The following UTP6 variants were observed in gnomAD, a reference collection of about 807,000 sequenced individuals.
The protein encoded by UTP6 is U3 small nucleolar RNA-associated protein 6 homolog.
UTP6 carries 60 observed loss-of-function variants against 96.5 expected under a neutral mutation model. The ratio of observed to expected loss-of-function variants is 0.62; its 90% CI spans 0.51 to 0.77. UTP6 has a LOEUF of 0.77. UTP6 is among the 30% of genes least tolerant of loss of function. UTP6 has a pLI of 0.00. For synonymous variants in UTP6, 215 were observed against 240.1 expected (o/e 0.90, Z 0.96); for missense variants, 637 against 706.5 (o/e 0.90, Z 1.12).
At chr17:31,866,887 CAAAAAAAAA>C (rs56235737) in intron 17 of UTP6, among the ~76,000 whole-genome samples, 21 of 43,572 alleles carry the variant, frequency 4.8e-4, no homozygotes, top group South Asian at 1.5e-3. Context: ...ACTCTTGTCT[CAAAAAAAAA>C]AAAAAAAAAA....
intron 1 of UTP6, among the ~76,000 whole-genome samples, chr17:31,900,835 A>C (rs1904937564): frequency 6.6e-6 from 1 of 152,232 alleles, no homozygotes; most frequent in Admixed American, 6.5e-5. Flanking sequence ...TGTGCAAGAC[A>C]GGTGTCTTTA....
chr17:31,887,336 A>C, intron 7 of UTP6, 23 bp from the exon 8 acceptor site: 1 of 1,609,172 alleles, frequency 6.2e-7, no homozygotes, highest in Non-Finnish European at 8.5e-7. Flanking sequence ...AATAAACTGA[A>C]AATCTTTGGA....
At chr17:31,881,953 G>A (rs1220309962) in intron 10 of UTP6, among the ~76,000 whole-genome samples, 1 of 151,994 alleles carries the variant, frequency 6.6e-6, no homozygotes, top group African/African-American at 2.4e-5. Flanking sequence ...CCAAAGTGTT[G>A]GGATTACAGC....
chr17:31,875,417 G>A lies in UTP6; in HGVS notation c.1126-4C>T, dbSNP rs778339292. 2.5e-6 allele frequency: 4 copies of A among 1,610,984 alleles called. No individual in the cohort carries two copies. The highest frequency in any genetic ancestry group is 1.1e-5 in the South Asian group (1 of 90,956). On this transcript the variant is annotated splice_region_variant and splice_polypyrimidine_tract_variant and intron_variant, in intron 13 of 18. Transcript: ENST00000261708. ...TATAACACAGCAACGAAACACTCTAGACAAGATGAAGGATGACTGGAAAAT... is the reference window on the plus strand; with the variant it reads ...TATAACACAGCAACGAAACACTCTAAACAAGATGAAGGATGACTGGAAAAT...
intron 16 of UTP6, among the ~76,000 whole-genome samples, chr17:31,870,075 G>A (rs954780125): frequency 2.6e-5 from 4 of 152,096 alleles, no homozygotes; most frequent in Non-Finnish European, 4.4e-5. Context: ...CCAATCAACT[G>A]TTGATAAGCA....
intron 2 of UTP6, among the ~76,000 whole-genome samples, chr17:31,897,316 C>A (rs911478490): frequency 1.3e-5 from 2 of 151,892 alleles, no homozygotes; most frequent in Non-Finnish European, 2.9e-5. Flanking sequence ...ATAATATGGT[C>A]TTGGCTCATT....
chr17:31,889,804 A>C (rs1567790335), intron 6 of UTP6, among the ~76,000 whole-genome samples: 1 of 151,784 alleles, frequency 6.6e-6, no homozygotes, highest in Non-Finnish European at 1.5e-5. Context: ...GGCCCACTCA[A>C]ACAATTTTTT....
Position 31,884,432 on chromosome 17 carries a change from A to C in UTP6, c.777T>G (p.Ile259Met), listed in dbSNP as rs1911029185. The change falls in exon 10 of 19, where the codon ATT becomes ATG. Residue 259 changes from isoleucine (I) to methionine (M), a missense_variant. Ile to Met is a conservative substitution (Grantham distance 10). Coordinates refer to ENST00000261708, the MANE Select transcript of UTP6 (RefSeq NM_018428.3). Reference sequence around the variant, plus strand: ...CTACTAACTTTACTTACTCATCATAAATCTCTTTTTGTAGATCTTTGGCAA... The same window carrying C: ...CTACTAACTTTACTTACTCATCATACATCTCTTTTTGTAGATCTTTGGCAA... ...FDFAKDLQKE[I>M]YDDLQALHTD... is the part of the protein sequence containing the mutation. 1.9e-6 allele frequency: 3 copies of C among 1,610,418 alleles called. No individual in the cohort carries two copies. In the East Asian group the frequency reaches 6.7e-5, roughly 36 times the overall value.
At chr17:31,875,820 CAAAA>C (rs1012799437) in intron 13 of UTP6, among the ~76,000 whole-genome samples, 3 of 65,810 alleles carry the variant, frequency 4.6e-5, no homozygotes, top group South Asian at 4.8e-4. Context: ...AACTCTATCT[CAAAA>C]AAAAAAAAAA....
chr17:31,889,087 C>A (rs1911313923), intron 7 of UTP6, among the ~76,000 whole-genome samples, 198 bp downstream of exon 7: 1 of 150,904 alleles, frequency 6.6e-6, no homozygotes, highest in African/African-American at 2.4e-5. Flanking sequence ...AAAAGTGAAA[C>A]CAGCCTGGCC....
At position 31,892,609 on chromosome 17, in the gene UTP6, T is replaced by C. The variant is rs975237203; in HGVS notation, c.360+138A>G. ...CCATAGTCATTCAGATATCCAATGT[T>C]ATATTGATGTTCCGCCTTCTTGGGT... On this transcript the variant is annotated intron_variant, in intron 5 of 18. Transcript: ENST00000261708. 1.4e-5 allele frequency: 13 copies of C among 940,746 alleles called. No individual in the cohort carries two copies. The East Asian group carries it at 2.6e-4, about 19-fold the overall frequency. 58.3% of individuals were successfully genotyped at this position (940,746 alleles called of 1,614,324 possible). A position where few individuals can be genotyped will look rare whatever the true frequency, so the allele number is the denominator to read the frequency against.
intron 4 of UTP6, among the ~76,000 whole-genome samples, 154 bp from the exon 5 acceptor site, chr17:31,892,948 G>A (rs149522594): frequency 5.3e-5 from 8 of 152,222 alleles, no homozygotes; most frequent in East Asian, 3.9e-4. Context: ...CGAAGCGGGC[G>A]GATCACTTGA....
intron 11 of UTP6, 34 bp downstream of exon 11, chr17:31,880,539 C>T (rs766845446): frequency 1.9e-6 from 3 of 1,613,294 alleles, no homozygotes; most frequent in South Asian, 1.1e-5. Context: ...GATACTATTC[C>T]TTCTATATCA....
chr17:31,869,174 T>C (rs542957337), intron 16 of UTP6, among the ~76,000 whole-genome samples: 44 of 152,294 alleles, frequency 2.9e-4, no homozygotes, highest in African/African-American at 1.0e-3. Context: ...CTTTCTCTTT[T>C]ATTTTTTCCT....
intron 4 of UTP6, among the ~76,000 whole-genome samples, 190 bp from the exon 5 acceptor site, chr17:31,892,984 C>T (rs933109720): frequency 6.6e-6 from 1 of 152,076 alleles, no homozygotes; most frequent in Non-Finnish European, 1.5e-5. Flanking sequence ...ACCAGCCTGG[C>T]CAACATGGTG....
At chr17:31,892,508 T>C (rs1324627545) in intron 5 of UTP6, among the ~76,000 whole-genome samples, 185 bp from the exon 6 acceptor site, 2 of 152,220 alleles carry the variant, frequency 1.3e-5, no homozygotes, top group Non-Finnish European at 2.9e-5. Context: ...CTAAACACTT[T>C]AAATATCTTT....
chr17:31,868,923 C>G (rs929408226), intron 16 of UTP6, among the ~76,000 whole-genome samples: 2 of 152,052 alleles, frequency 1.3e-5, no homozygotes, highest in African/African-American at 2.4e-5. Flanking sequence ...CCAGCCTGAC[C>G]AACGTGGTGA....
chr17:31,863,315 T>C lies in UTP6; in HGVS notation c.*44A>G. On this transcript the variant is annotated 3_prime_UTR_variant, in exon 19 of 19. Transcript: ENST00000261708. ...CTCAATACAAATTTGCCCACGGGGC[T>C]TGCTTGCAATACTATTTCACAAAGC... is the stretch of plus-strand genomic sequence containing the variant. 1 of 1,603,286 alleles carries C rather than the reference T, an allele frequency of 6.2e-7. No homozygotes were observed. Among genetic ancestry groups the C allele is most frequent in the African/African-American group, 1.3e-5 (1 of 74,814 alleles).
chr17:31,870,670 C>A (rs867348298), intron 16 of UTP6, among the ~76,000 whole-genome samples: 5 of 150,470 alleles, frequency 3.3e-5, no homozygotes, highest in Admixed American at 2.0e-4. Flanking sequence ...TACAGGCGCC[C>A]GCCACCACAT....
Sources: gnomAD v4.1 joint callset for allele counts (sites outside exome capture counted in the v4.1 genomes callset) on GRCh38, gnomAD v4.1.1 for gene constraint, MANE v1.5 for transcripts, NCBI Gene and HGNC (gene_info 2026-07-23, HGNC 2026-07-21) for gene names.